Variants in EXT1 observed in about 807,000 individuals in gnomAD.
EXT1 encodes exostosin-1.
In EXT1, 20 loss-of-function variants were observed where a neutral mutation model predicts 82.5. The ratio of observed to expected loss-of-function variants is 0.24; its 90% CI spans 0.17 to 0.35. The LOEUF (loss-of-function observed/expected upper bound fraction) is 0.35. EXT1 is among the 10% of genes least tolerant of loss of function. EXT1 has a pLI of 1.00. For synonymous variants in EXT1, 348 were observed against 350.8 expected (o/e 0.99, Z 0.09); for missense variants, 757 against 936.5 (o/e 0.81, Z 2.50).
chr8:118,070,070 A>G (rs995909369), intron 1 of EXT1, among the ~76,000 whole-genome samples: 3 of 152,226 alleles, frequency 2.0e-5, no homozygotes, highest in Non-Finnish European at 4.4e-5. Context: ...AGTTTAAAGT[A>G]AACATAAAAA....
At chr8:117,907,680 T>C (rs747346510) in intron 1 of EXT1, among the ~76,000 whole-genome samples, 7 of 152,210 alleles carry the variant, frequency 4.6e-5, no homozygotes, top group Admixed American at 6.5e-5. Context: ...TATGAATTCA[T>C]AAATTATGCT....
At chr8:118,038,811 G>A (rs987343434) in intron 1 of EXT1, among the ~76,000 whole-genome samples, 2 of 152,146 alleles carry the variant, frequency 1.3e-5, no homozygotes, top group African/African-American at 4.8e-5. Flanking sequence ...GCCACTCACT[G>A]CCTGCACTGA....
intron 1 of EXT1, among the ~76,000 whole-genome samples, chr8:117,866,603 AC>A (rs1184456691): frequency 6.6e-6 from 1 of 152,182 alleles, no homozygotes; most frequent in African/African-American, 2.4e-5. Flanking sequence ...TTATGCAGGA[AC>A]TAGCTATCAA....
rs1473232010 is a variant in EXT1 at position 118,093,569 on chromosome 8, A to C, written c.962+16516T>G. Among the ~76,000 whole-genome samples, 7 of 152,344 alleles carry C rather than the reference A, an allele frequency of 4.6e-5. No individual in the cohort carries two copies. The South Asian group carries it at 1.0e-3, about 23-fold the overall frequency. ...GATATGGTGAAGTTTCAAGGAACAC[A>C]GATGACCCAATGACAGCAAAGCCTG... On this transcript the variant is annotated intron_variant, in intron 1 of 10. Transcript: ENST00000378204.
At chr8:117,990,398 CAAA>C (rs111727543) in intron 1 of EXT1, among the ~76,000 whole-genome samples, 1 of 152,098 alleles carries the variant, frequency 6.6e-6, no homozygotes, top group Admixed American at 6.5e-5. Flanking sequence ...CCAGATTTCA[CAAA>C]AAAAGTTGGA....
intron 1 of EXT1, among the ~76,000 whole-genome samples, chr8:117,945,878 A>C (rs1306873679): frequency 6.6e-6 from 1 of 151,988 alleles, no homozygotes; most frequent in Non-Finnish European, 1.5e-5. Flanking sequence ...ATCAATGTAC[A>C]AGATTACTGT....
At chr8:117,964,474 A>G (rs1019645700) in intron 1 of EXT1, among the ~76,000 whole-genome samples, 2 of 152,214 alleles carry the variant, frequency 1.3e-5, no homozygotes, top group Admixed American at 6.5e-5. Flanking sequence ...GATTTGTAGA[A>G]TATCTCCTCT....
intron 1 of EXT1, among the ~76,000 whole-genome samples, chr8:118,091,638 G>A (rs765440665): frequency 3.5e-4 from 53 of 152,146 alleles, no homozygotes; most frequent in Middle Eastern, 3.4e-3. Flanking sequence ...CCAGCTACTC[G>A]GGAGACTGAA....
intron 10 of EXT1, 100 bp from the exon 11 acceptor site, chr8:117,799,997 G>C (rs546488136): frequency 1.5e-6 from 2 of 1,296,746 alleles, no homozygotes; most frequent in Admixed American, 3.9e-5. Flanking sequence ...AAGCAGCAAA[G>C]CTTGGGGTCT....
intron 8 of EXT1, among the ~76,000 whole-genome samples, chr8:117,810,056 T>G (rs955966326): frequency 2.9e-4 from 44 of 152,252 alleles, no homozygotes; most frequent in African/African-American, 9.9e-4. Context: ...GTGATAGCTC[T>G]AATTTCATGC....
chr8:117,848,320 T>C (rs565361591), intron 1 of EXT1, among the ~76,000 whole-genome samples: 143 of 152,234 alleles, frequency 9.4e-4, no homozygotes, highest in Non-Finnish European at 1.8e-3. Flanking sequence ...GGCCCACAAG[T>C]CTAGATTCTG....
chr8:118,061,467 G>A (rs1037463031), intron 1 of EXT1, among the ~76,000 whole-genome samples: 1 of 152,156 alleles, frequency 6.6e-6, no homozygotes, highest in Admixed American at 6.6e-5. Flanking sequence ...TCATAAAATT[G>A]TCTCTCTCTG....
intron 7 of EXT1, among the ~76,000 whole-genome samples, chr8:117,813,780 T>G (rs1823374114): frequency 6.6e-6 from 1 of 151,854 alleles, no homozygotes; most frequent in African/African-American, 2.4e-5. Flanking sequence ...CTGAGGTGGG[T>G]GGATCACTTG....
chr8:118,075,312 A>G (rs1262270905), intron 1 of EXT1, among the ~76,000 whole-genome samples: 3 of 152,170 alleles, frequency 2.0e-5, no homozygotes, highest in African/African-American at 7.2e-5. Context: ...AGGCACCTTG[A>G]CCGTGTTGTG....
chr8:118,002,528 C>CTTTTTTTTTTTTTTTTTTTTTTTTTTT (rs60354141), intron 1 of EXT1, among the ~76,000 whole-genome samples: 1 of 87,096 alleles, frequency 1.1e-5, no homozygotes, highest in Non-Finnish European at 2.1e-5. Context: ...GAATATTTTT[C>CTTTTTTTTTTTTTTTTTTTTTTTTTTT]TTTTTTTTTT....
At chr8:118,074,283 A>G (rs759015660) in intron 1 of EXT1, among the ~76,000 whole-genome samples, 9 of 152,184 alleles carry the variant, frequency 5.9e-5, no homozygotes, top group Non-Finnish European at 1.3e-4. Context: ...TGTCTTCAGA[A>G]GTCATTTTCT....
At chr8:117,897,658 G>C (rs920022254) in intron 1 of EXT1, among the ~76,000 whole-genome samples, 3 of 125,016 alleles carry the variant, frequency 2.4e-5, no homozygotes, top group African/African-American at 9.0e-5. Context: ...CCAACGGCCC[G>C]ATCTCGGTTC....
intron 1 of EXT1, among the ~76,000 whole-genome samples, chr8:118,018,441 GGAACA>G (rs2129851049): frequency 6.6e-6 from 1 of 152,234 alleles, no homozygotes; most frequent in African/African-American, 2.4e-5. Context: ...CAAGAGATAT[GGAACA>G]GACTCCCTCT....
rs1823079368 is a variant in EXT1, at chr8:117,795,675, T to A, written c.*4037A>T. 6.6e-6 allele frequency: 1 copy of A among 152,004 alleles called. No homozygotes were observed. Among genetic ancestry groups the A allele is most frequent in the Non-Finnish European group, 1.5e-5 (1 of 68,066 alleles). 9.4% of individuals were successfully genotyped at this position (152,004 alleles called of 1,614,324 possible). A position where few individuals can be genotyped will look rare whatever the true frequency, so the allele number is the denominator to read the frequency against. ...AGCCCAGTGTGGTAGCACATGCCTG[T>A]AATCCCAACTACTAAGCAGGGTGAG... is the stretch of plus-strand genomic sequence containing the variant. On this transcript the variant is annotated 3_prime_UTR_variant, in exon 11 of 11. Coordinates refer to ENST00000378204, the MANE Select transcript of EXT1 (RefSeq NM_000127.3).
Sources: gnomAD v4.1 joint callset for allele counts (sites outside exome capture counted in the v4.1 genomes callset) on GRCh38, gnomAD v4.1.1 for gene constraint, MANE v1.5 for transcripts, NCBI Gene and HGNC (gene_info 2026-07-23, HGNC 2026-07-21) for gene names.